GLIS3: variants seen among roughly 807,000 people sequenced by gnomAD.
GLIS3 encodes zinc finger protein GLIS3.
In GLIS3, 53 loss-of-function variants were observed where a neutral mutation model predicts 78.6. That is an observed-to-expected ratio of 0.67 (90% CI 0.54 to 0.85). GLIS3 has a LOEUF of 0.85. Among genes scored for constraint, GLIS3 ranks in the 40% least tolerant of loss-of-function variants. The pLI is 0.00. For missense variants in GLIS3, 1,703 were observed against 1,231.1 expected, an observed-to-expected ratio of 1.38 and a Z score of -5.74; for synonymous variants, 684 against 509.9, an observed-to-expected ratio of 1.34 and a Z score of -4.60.
chr9:4,187,179 G>A (rs1411748461), intron 2 of GLIS3, among the ~76,000 whole-genome samples: 1 of 152,204 alleles, frequency 6.6e-6, no homozygotes, highest in Non-Finnish European at 1.5e-5. Flanking sequence ...TGTGTAAGGT[G>A]TAAGGAAGGG....
the GLIS3 span, among the ~76,000 whole-genome samples, chr9:4,437,454 ATCTATCTATC>A: frequency 1.8e-4 from 27 of 151,892 alleles, no homozygotes; most frequent in South Asian, 4.2e-4. Flanking sequence ...CTATCTATCT[ATCTATCTATC>A]TATCTATATA....
upstream of GLIS3, among the ~76,000 whole-genome samples, chr9:4,304,253 CT>C (rs1563925806): frequency 6.6e-6 from 1 of 152,154 alleles, no homozygotes; most frequent in Non-Finnish European, 1.5e-5. Context: ...TACAAGGCGT[CT>C]TGTTATCAAT....
intron 3 of GLIS3, among the ~76,000 whole-genome samples, chr9:4,124,568 G>A (rs919087013): frequency 7.9e-5 from 12 of 152,188 alleles, no homozygotes; most frequent in Admixed American, 7.9e-4. Context: ...TCATCAATGG[G>A]AAAATGACAG....
intron 7 of GLIS3, among the ~76,000 whole-genome samples, chr9:3,882,944 C>T (rs534296906): frequency 2.1e-3 from 326 of 152,296 alleles, no homozygotes; most frequent in South Asian, 4.1e-3. Flanking sequence ...GTCTACATGA[C>T]AGCACTTTGC....
At chr9:4,213,313 C>A (rs1276316079) in intron 2 of GLIS3, among the ~76,000 whole-genome samples, 1 of 152,204 alleles carries the variant, frequency 6.6e-6, no homozygotes, top group Non-Finnish European at 1.5e-5. Flanking sequence ...ACACCCTAAT[C>A]TGGGCTAGTA....
intron 1 of GLIS3, among the ~76,000 whole-genome samples, chr9:4,297,271 G>C (rs1043704054): frequency 2.0e-5 from 3 of 152,324 alleles, no homozygotes; most frequent in Non-Finnish European, 4.4e-5. Flanking sequence ...TTGTCTTGAG[G>C]TCATCTTCGA....
At chr9:4,242,052 T>A (rs760146650) in intron 2 of GLIS3, among the ~76,000 whole-genome samples, 1 of 152,152 alleles carries the variant, frequency 6.6e-6, no homozygotes, top group African/African-American at 2.4e-5. Context: ...AATAAAATTA[T>A]GCCATATTTA....
chr9:4,406,779 C>T, the GLIS3 span, among the ~76,000 whole-genome samples: 1 of 152,052 alleles, frequency 6.6e-6, no homozygotes, highest in East Asian at 1.9e-4. Context: ...ATAAAACACT[C>T]ATGAAAGAAA....
At chr9:4,188,266 T>A (rs1225022008) in intron 2 of GLIS3, among the ~76,000 whole-genome samples, 1 of 151,508 alleles carries the variant, frequency 6.6e-6, no homozygotes, top group South Asian at 2.1e-4. Context: ...ATGTGGTTTT[T>A]GTCTTTGGTT....
chr9:4,377,913 A>T, the GLIS3 span, among the ~76,000 whole-genome samples: 4 of 152,156 alleles, frequency 2.6e-5, no homozygotes, highest in Non-Finnish European at 4.4e-5. Flanking sequence ...TCATTTAATA[A>T]TATTTATAAT....
intron 2 of GLIS3, among the ~76,000 whole-genome samples, chr9:4,275,045 T>C (rs1826858357): frequency 6.6e-6 from 1 of 152,194 alleles, no homozygotes; most frequent in African/African-American, 2.4e-5. Flanking sequence ...ATTGTGTCTT[T>C]AAAATGTGAC....
intron 2 of GLIS3, among the ~76,000 whole-genome samples, chr9:4,268,052 C>T (rs759852358): frequency 4.6e-5 from 7 of 151,862 alleles, no homozygotes; most frequent in African/African-American, 7.3e-5. Flanking sequence ...TGCGTGCGTG[C>T]GCACACACAC....
At chr9:4,366,117 G>A in the GLIS3 span, among the ~76,000 whole-genome samples, 1,416 of 152,304 alleles carry the variant, frequency 9.3e-3, 30 homozygotes, top group African/African-American at 0.032. Flanking sequence ...AATGGGCCCA[G>A]TGAGATAGGA....
At chr9:4,009,176 G>C (rs377320068) in intron 4 of GLIS3, among the ~76,000 whole-genome samples, 1 of 152,154 alleles carries the variant, frequency 6.6e-6, no homozygotes, top group Non-Finnish European at 1.5e-5. Context: ...GTTCCTGAAC[G>C]CCATGTGCAA....
intron 2 of GLIS3, among the ~76,000 whole-genome samples, chr9:4,184,831 G>T (rs1245640894): frequency 6.6e-6 from 1 of 152,164 alleles, no homozygotes. Flanking sequence ...AACTGAGGTT[G>T]TGCATCTGTC....
the GLIS3 span, among the ~76,000 whole-genome samples, chr9:4,440,741 C>T: frequency 6.6e-6 from 1 of 152,134 alleles, no homozygotes; most frequent in Non-Finnish European, 1.5e-5. Flanking sequence ...TTGTAGATCA[C>T]TTCAGGTAAT....
intron 2 of GLIS3, among the ~76,000 whole-genome samples, chr9:4,235,316 A>AAAG (rs1554629683): frequency 6.9e-6 from 1 of 144,002 alleles, no homozygotes; most frequent in African/African-American, 2.5e-5. Flanking sequence ...AAAAAAAAAA[A>AAAG]CTGATGGGGG....
chr9:4,454,150 TA>T, the GLIS3 span, among the ~76,000 whole-genome samples: 43,278 of 128,238 alleles, frequency 0.34, 6,377 homozygotes, highest in East Asian at 0.42. Flanking sequence ...TATATGATGA[TA>T]AAAAAAAAAA....
chr9:4,086,752 G>C (rs1032207910), intron 4 of GLIS3, among the ~76,000 whole-genome samples: 1 of 152,170 alleles, frequency 6.6e-6, no homozygotes, highest in Non-Finnish European at 1.5e-5. Context: ...GTGCACAGGA[G>C]GGACTTTCAG....
Sources: allele counts gnomAD v4.1 joint callset (sites outside exome capture counted in the v4.1 genomes callset), GRCh38; gene constraint gnomAD v4.1.1; transcripts MANE v1.5; gene names NCBI Gene and HGNC (gene_info 2026-07-23, HGNC 2026-07-21).